The following ADH4 variants were observed in gnomAD, a reference collection of about 807,000 sequenced individuals.
ADH4 encodes the protein alcohol dehydrogenase 4 (class II), pi polypeptide.
ADH4 carries 31 observed loss-of-function variants against 35.2 expected under a neutral mutation model. That is an observed-to-expected ratio of 0.88 (90% confidence interval 0.66 to 1.19). The LOEUF is 1.19. ADH4 is among the 50% of genes most tolerant of loss of function. The pLI is 0.00. For missense variants in ADH4, 476 were observed against 458.3 expected, an observed-to-expected ratio of 1.04 and a Z score of -0.35; for synonymous variants, 171 against 160.2, an observed-to-expected ratio of 1.07 and a Z score of -0.51.
chr4:99,143,187 G>A lies in ADH4; in HGVS notation c.19-407C>T, dbSNP rs1729690697. On this transcript the variant is annotated intron_variant, in intron 1 of 8. Coordinates refer to ENST00000265512, the MANE Select transcript of ADH4 (RefSeq NM_000670.5). ...TTACCTGAGTCAGATAATTGCTGGAGAATAGATGTGTTTTACATCTCTGCA... is the reference window on the plus strand; with the variant it reads ...TTACCTGAGTCAGATAATTGCTGGAAAATAGATGTGTTTTACATCTCTGCA... The A allele has an allele frequency of 5.7e-6, 4 of 701,940 alleles. No homozygotes were observed. In the Admixed American group the frequency reaches 6.0e-5, roughly 11 times the overall value. The allele number at this position is 701,940 out of a possible 1,614,324, so 43.5% of individuals were successfully genotyped here.
chr4:99,139,206 A>G (rs1488110384), intron 3 of ADH4, 58 bp from the exon 4 acceptor site: 2 of 1,148,036 alleles, frequency 1.7e-6, no homozygotes, highest in Non-Finnish European at 2.6e-6. Context: ...AGCTTCTACC[A>G]GATAAATCAG....
At chr4:99,144,170 C>G (rs1228784217) in intron 1 of ADH4, 35 bp downstream of exon 1, 1 of 1,612,134 alleles carries the variant, frequency 6.2e-7, no homozygotes, top group South Asian at 1.1e-5. Context: ...CACAGAAAAG[C>G]ACAAACTGAA....
chr4:99,144,290 A>G lies in ADH4; in HGVS notation c.-68T>C. ...GAAAGCTTCAAACTCCTACCCAGGG[A>G]GTTCCGTGTCCTATAATGAGCTGTC... On this transcript the variant is annotated 5_prime_UTR_variant, in exon 1 of 9. Transcript: ENST00000265512. The G allele has an allele frequency of 6.8e-7, 1 of 1,477,654 alleles. No homozygotes were observed. The highest frequency in any genetic ancestry group is 9.5e-7 in the Non-Finnish European group (1 of 1,056,038). The allele number at this position is 1,477,654 out of a possible 1,614,324, so 91.5% of individuals were successfully genotyped here.
chr4:99,141,572 A>G lies in ADH4; in HGVS notation c.231T>C (p.Ser77=), dbSNP rs752672320. The G allele has an allele frequency of 6.2e-6, 10 of 1,613,970 alleles. No homozygotes were observed. Among genetic ancestry groups the G allele is most frequent in the Non-Finnish European group, 7.6e-6 (9 of 1,180,004 alleles). The change falls in exon 3 of 9, where the codon AGT becomes AGC. Residue 77 remains serine (S), a synonymous_variant. Transcript: ENST00000265512. ...VGHEAAGIVE[S]IGPGVTNVKP... Reference sequence around the variant, plus strand: ...TGACGTTGGTCACTCCTGGCCCAATACTTTCCACAATACCTGCAGCCTCAT... The same window carrying G: ...TGACGTTGGTCACTCCTGGCCCAATGCTTTCCACAATACCTGCAGCCTCAT...
rs55878268 is a variant in ADH4 at position 99,136,707 on chromosome 4, TA to T, written c.351-11del. The T allele has an allele frequency of 2.0e-5, 30 of 1,511,816 alleles. No individual in the cohort carries two copies. Among genetic ancestry groups the T allele is most frequent in the African/African-American group, 1.2e-4 (9 of 72,168 alleles). The allele number at this position is 1,511,816 out of a possible 1,614,324, so 93.7% of individuals were successfully genotyped here. A position where few individuals can be genotyped will look rare whatever the true frequency, so the allele number is the denominator to read the frequency against. On this transcript the variant is annotated splice_polypyrimidine_tract_variant and intron_variant, in intron 4 of 8. Coordinates refer to ENST00000265512, the MANE Select transcript of ADH4 (RefSeq NM_000670.5). ...AGGACTTTTGAGATTACTAGAAAAT[TA>T]AAAAAAAGAGTGATACAAATAAAGA...
intron 8 of ADH4, among the ~76,000 whole-genome samples, chr4:99,124,896 G>A (rs372596010): frequency 4.2e-4 from 27 of 64,986 alleles, no homozygotes; most frequent in African/African-American, 2.1e-3. Context: ...TCTTATTTCT[G>A]GGTAACTCCA....
At chr4:99,143,884 G>A (rs1028353980) in intron 1 of ADH4, among the ~76,000 whole-genome samples, 1 of 152,060 alleles carries the variant, frequency 6.6e-6, no homozygotes, top group African/African-American at 2.4e-5. Context: ...TTAATATACT[G>A]TGAACATTTT....
intron 2 of ADH4, 119 bp from the exon 3 acceptor site, chr4:99,141,801 A>G: frequency 1.1e-6 from 1 of 898,536 alleles, no homozygotes; most frequent in Non-Finnish European, 1.6e-6. Flanking sequence ...AGAACTCAAT[A>G]AAAGAATCAC....
intron 4 of ADH4, 80 bp downstream of exon 4, chr4:99,138,981 A>G (rs1729528249): frequency 1.9e-6 from 2 of 1,046,502 alleles, no homozygotes. Flanking sequence ...CACCTCTTCA[A>G]GGCCATTTAG....
intron 6 of ADH4, 146 bp downstream of exon 6, chr4:99,131,358 G>A: frequency 1.1e-6 from 1 of 904,224 alleles, no homozygotes. Context: ...CTGAGGGAAT[G>A]GGAAATGATT....
chr4:99,135,200 G>T (rs1274028755), intron 5 of ADH4, among the ~76,000 whole-genome samples: 1 of 152,086 alleles, frequency 6.6e-6, no homozygotes, highest in East Asian at 1.9e-4. Context: ...AGGTCGAAGT[G>T]GGAGGACTGC....
intron 4 of ADH4, among the ~76,000 whole-genome samples, chr4:99,138,386 G>A (rs1335723474): frequency 1.3e-5 from 2 of 152,158 alleles, no homozygotes; most frequent in African/African-American, 2.4e-5. Context: ...TTCAATTAGT[G>A]TTAAGGATGA....
At chr4:99,132,029 G>A (rs958301804) in intron 5 of ADH4, among the ~76,000 whole-genome samples, 5 of 152,112 alleles carry the variant, frequency 3.3e-5, no homozygotes, top group African/African-American at 9.7e-5. Context: ...TTTCCCTTCA[G>A]TGTTATCTGA....
rs1729441582 is a variant in ADH4, at chr4:99,136,620, A to C, written c.428T>G (p.Val143Gly). Residue 143 changes from valine (V) to glycine (G), a missense_variant, in exon 5 of 9, where the codon GTT becomes GGT. Coordinates refer to ENST00000265512, the MANE Select transcript of ADH4 (RefSeq NM_000670.5). ...TGTACTGGTTCCAAAGAAATGGTAA[A>C]CTGGTTTTCCTTTGCAGGTAAACCT... ...TSRFTCKGKPVYHFFGTSTFS... is the reference protein window; with the variant it reads ...TSRFTCKGKPGYHFFGTSTFS... 6.2e-7 allele frequency: 1 copy of C among 1,613,984 alleles called. No homozygotes were observed. The highest frequency in any genetic ancestry group is 1.3e-5 in the African/African-American group (1 of 74,914).
chr4:99,128,456 T>C (rs1165150546), intron 6 of ADH4, among the ~76,000 whole-genome samples: 2 of 152,262 alleles, frequency 1.3e-5, no homozygotes, highest in Admixed American at 6.5e-5. Context: ...AACAAGGAAA[T>C]AACTTTAAAT....
At chr4:99,126,472 A>T in intron 8 of ADH4, 122 bp downstream of exon 8, 1 of 966,756 alleles carries the variant, frequency 1.0e-6, no homozygotes, top group Admixed American at 2.3e-5. Flanking sequence ...TTTTAAGCAC[A>T]TCTAGTACCT....
At chr4:99,138,954 A>AGTGG (rs1215870107) in intron 4 of ADH4, 107 bp downstream of exon 4, 2 of 696,392 alleles carry the variant, frequency 2.9e-6, no homozygotes, top group Non-Finnish European at 4.8e-6. Flanking sequence ...GATTAGAATT[A>AGTGG]GTGGGTGGAA....
At chr4:99,127,568 C>T (rs1034842357) in intron 6 of ADH4, among the ~76,000 whole-genome samples, 3 of 152,196 alleles carry the variant, frequency 2.0e-5, no homozygotes, top group Admixed American at 1.3e-4. Flanking sequence ...GTGACTCATT[C>T]CTGTAATCCT....
chr4:99,127,645 A>G (rs1006704408), intron 6 of ADH4, among the ~76,000 whole-genome samples: 2 of 152,054 alleles, frequency 1.3e-5, no homozygotes, highest in African/African-American at 4.8e-5. Flanking sequence ...CCTGGCCAAC[A>G]TGGCAAAACC....
Sources: gnomAD v4.1 joint callset for allele counts (sites outside exome capture counted in the v4.1 genomes callset) on GRCh38, gnomAD v4.1.1 for gene constraint, MANE v1.5 for transcripts, NCBI Gene and HGNC (gene_info 2026-07-23, HGNC 2026-07-21) for gene names.